The following DIP2C variants were observed in gnomAD, a reference collection of about 807,000 sequenced individuals.
DIP2C encodes disco-interacting protein 2 homolog C.
In DIP2C, 33 loss-of-function variants were observed where a neutral mutation model predicts 192.4. That is an observed-to-expected ratio of 0.17 (90% CI 0.13 to 0.23). The LOEUF is 0.23. Ranked by LOEUF, DIP2C falls within the 10% of genes least tolerant of loss-of-function variation. DIP2C has a pLI of 1.00. For synonymous variants in DIP2C, 979 were observed against 864.1 expected (o/e 1.13, Z -2.33); for missense variants, 1,537 against 2,110.1 (o/e 0.73, Z 5.32).
intron 17 of DIP2C, 123 bp downstream of exon 17, chr10:382,524 G>C (rs1378294258): frequency 1.4e-6 from 1 of 691,168 alleles, no homozygotes; most frequent in African/African-American, 1.8e-5. Flanking sequence ...AACTCATCTT[G>C]AAAGGTTAGG....
intron 28 of DIP2C, among the ~76,000 whole-genome samples, chr10:344,383 T>TGGGGCG (rs1456255148): frequency 8.9e-4 from 9 of 10,104 alleles, no homozygotes; most frequent in East Asian, 7.9e-3. Flanking sequence ...TCCCCAAGGG[T>TGGGGCG]GGGGCGGGGG....
chr10:283,996 T>C (rs567184446), intron 34 of DIP2C, among the ~76,000 whole-genome samples: 45 of 152,294 alleles, frequency 3.0e-4, no homozygotes, highest in African/African-American at 9.9e-4. Flanking sequence ...CAAAGACTGA[T>C]ATGGTGAGTC....
At chr10:301,884 G>A (rs1158645233) in intron 32 of DIP2C, among the ~76,000 whole-genome samples, 5 of 152,218 alleles carry the variant, frequency 3.3e-5, no homozygotes, top group Non-Finnish European at 7.3e-5. Flanking sequence ...AGCCTCGCAG[G>A]AGATTGTGTC....
chr10:330,359 T>G (rs1315400127), intron 29 of DIP2C, among the ~76,000 whole-genome samples: 1 of 5,838 alleles, frequency 1.7e-4, no homozygotes, highest in Non-Finnish European at 2.2e-3. Context: ...GATTACATAT[T>G]TTATCAATTG....
chr10:688,839 G>A (rs1050758198), intron 1 of DIP2C, among the ~76,000 whole-genome samples: 2 of 152,192 alleles, frequency 1.3e-5, no homozygotes, highest in African/African-American at 2.4e-5. Flanking sequence ...CGGCCCGGGG[G>A]GAGGTTGACG....
intron 8 of DIP2C, among the ~76,000 whole-genome samples, chr10:409,349 A>G (rs890569682): frequency 6.6e-6 from 1 of 152,190 alleles, no homozygotes; most frequent in Non-Finnish European, 1.5e-5. Context: ...CCGTCGTCAC[A>G]GGGCTGGGAT....
chr10:574,878 A>G (rs928829690), intron 1 of DIP2C, among the ~76,000 whole-genome samples: 1 of 152,106 alleles, frequency 6.6e-6, no homozygotes, highest in South Asian at 2.1e-4. Flanking sequence ...TGCTGTTACA[A>G]TTTACTGGGT....
chr10:514,948 C>CT (rs534775885), intron 1 of DIP2C, among the ~76,000 whole-genome samples: 121 of 152,220 alleles, frequency 7.9e-4, no homozygotes, highest in East Asian at 1.2e-3. Context: ...AAAAAACAAG[C>CT]TTTTTTTAAC....
At chr10:660,933 C>T (rs1243469933) in intron 1 of DIP2C, among the ~76,000 whole-genome samples, 1 of 152,154 alleles carries the variant, frequency 6.6e-6, no homozygotes, top group African/African-American at 2.4e-5. Flanking sequence ...GCTCCAAATG[C>T]CGTAACACAA....
chr10:279,630 C>T (rs1315051133), intron 36 of DIP2C, among the ~76,000 whole-genome samples: 3 of 152,178 alleles, frequency 2.0e-5, no homozygotes, highest in Non-Finnish European at 2.9e-5. Context: ...ATGGAGCAGC[C>T]GATGGTGGCC....
chr10:341,076 C>G (rs1958122784), intron 29 of DIP2C, 123 bp downstream of exon 29: 15 of 1,393,082 alleles, frequency 1.1e-5, no homozygotes, highest in Non-Finnish European at 1.5e-5. Flanking sequence ...CGGGTAAGCC[C>G]CAGGCCTCCT....
At chr10:658,814 C>T (rs1307957037) in intron 1 of DIP2C, among the ~76,000 whole-genome samples, 1 of 152,210 alleles carries the variant, frequency 6.6e-6, no homozygotes, top group Non-Finnish European at 1.5e-5. Context: ...GAGCATCAGG[C>T]GTGTTTACCT....
At chr10:500,561 G>A (rs1017788198) in intron 1 of DIP2C, among the ~76,000 whole-genome samples, 3 of 152,198 alleles carry the variant, frequency 2.0e-5, no homozygotes, top group African/African-American at 7.2e-5. Flanking sequence ...CCTATTGTGT[G>A]CCATGCAATG....
intron 29 of DIP2C, among the ~76,000 whole-genome samples, chr10:337,238 G>GGTGTGTGTGTTGTGGAGGCCTAGGCTGAT (rs1957854744): frequency 6.9e-5 from 1 of 14,404 alleles, no homozygotes. Context: ...GGCCTAGGCC[G>GGTGTGTGTGTTGTGGAGGCCTAGGCTGAT]GTGTGTGTGT....
intron 17 of DIP2C, among the ~76,000 whole-genome samples, chr10:382,180 A>C (rs907752974): frequency 6.6e-6 from 1 of 152,212 alleles, no homozygotes; most frequent in Non-Finnish European, 1.5e-5. Context: ...ATTCACTCAA[A>C]AAATATGTAT....
At chr10:283,947 G>A (rs1205273624) in intron 34 of DIP2C, among the ~76,000 whole-genome samples, 1 of 152,172 alleles carries the variant, frequency 6.6e-6, no homozygotes, top group Non-Finnish European at 1.5e-5. Flanking sequence ...AACCGGAAAC[G>A]AAAATGCCTG....
At chr10:639,256 T>C (rs978405896) in intron 1 of DIP2C, among the ~76,000 whole-genome samples, 1 of 75,086 alleles carries the variant, frequency 1.3e-5, no homozygotes, top group Admixed American at 1.7e-4. Context: ...GGTCGGGGGG[T>C]GCTGCCCGGC....
chr10:365,357 A>ACC (rs993876190), intron 19 of DIP2C, among the ~76,000 whole-genome samples: 1 of 152,018 alleles, frequency 6.6e-6, no homozygotes, highest in African/African-American at 2.4e-5. Context: ...ACAGCATGAG[A>ACC]CCCCATATGT....
At chr10:507,979 G>A (rs1226532537) in intron 1 of DIP2C, among the ~76,000 whole-genome samples, 1 of 152,170 alleles carries the variant, frequency 6.6e-6, no homozygotes, top group Admixed American at 6.5e-5. Context: ...CACCATTTGT[G>A]CCTGTCCTGG....
Sources: gnomAD v4.1 joint callset for allele counts (sites outside exome capture counted in the v4.1 genomes callset) on GRCh38, gnomAD v4.1.1 for gene constraint, MANE v1.5 for transcripts, NCBI Gene and HGNC (gene_info 2026-07-23, HGNC 2026-07-21) for gene names.